COPA: variants seen among roughly 807,000 people sequenced by gnomAD.
The protein encoded by COPA is coat protein complex I subunit alpha, also known as coatomer subunit alpha.
Under a neutral mutation model 158.7 loss-of-function variants are expected in COPA, and 10 were observed. That is an observed-to-expected ratio of 0.06 (90% confidence interval 0.04 to 0.11). COPA has a LOEUF of 0.11. COPA is among the 10% of genes least tolerant of loss of function. The pLI is 1.00. For missense variants in COPA, 1,065 were observed against 1,536.7 expected (o/e 0.69, Z 5.13); for synonymous variants, 462 against 542.8 (o/e 0.85, Z 2.07).
chr1:160,329,808 A>G (rs144841313), intron 6 of COPA, among the ~76,000 whole-genome samples: 4 of 152,326 alleles, frequency 2.6e-5, no homozygotes, highest in African/African-American at 9.6e-5. Flanking sequence ...CCAGGTTGAC[A>G]AAGGATATTC....
chr1:160,329,710 A>C (rs1350637116), intron 6 of COPA, among the ~76,000 whole-genome samples: 1 of 152,244 alleles, frequency 6.6e-6, no homozygotes, highest in East Asian at 1.9e-4. Context: ...TATGAACTAG[A>C]ATAGCATTAG....
In COPA at chr1:160,323,650, A is replaced by G. The variant is rs529999804; in HGVS notation, c.607-120T>C. On this transcript the variant is annotated intron_variant, in intron 7 of 32. Transcript: ENST00000241704. ...TTTATTCTTCATGTGAACAGATTCA[A>G]GAGACTACGCTGCTCTAAAATTTTG... 7.2e-5 allele frequency: 46 copies of G among 641,858 alleles called. 1 individual carries two copies. The South Asian group carries it at 1.4e-3, about 20-fold the overall frequency. 39.8% of individuals were successfully genotyped at this position (641,858 alleles called of 1,614,324 possible). A position where few individuals can be genotyped will look rare whatever the true frequency, so the allele number is the denominator to read the frequency against.
intron 3 of COPA, chr1:160,339,496 AG>A (rs1171485618): frequency 1.3e-5 from 2 of 156,994 alleles, no homozygotes; most frequent in African/African-American, 4.8e-5. Flanking sequence ...CCATTTCTCC[AG>A]GTTTTCTCCA....
chr1:160,332,327 G>A, intron 6 of COPA, 121 bp downstream of exon 6: 1 of 515,414 alleles, frequency 1.9e-6, no homozygotes, highest in Non-Finnish European at 3.3e-6. Context: ...AAACAAAGAT[G>A]CTATTATAAA....
intron 32 of COPA, 113 bp downstream of exon 32, chr1:160,290,379 C>G: frequency 7.1e-7 from 1 of 1,416,106 alleles, no homozygotes; most frequent in South Asian, 1.3e-5. Flanking sequence ...TCTCCAGTGT[C>G]ACTGCCTCAG....
intron 17 of COPA, 110 bp downstream of exon 17, chr1:160,305,323 A>G: frequency 8.9e-7 from 1 of 1,127,580 alleles, no homozygotes; most frequent in Non-Finnish European, 1.3e-6. Flanking sequence ...ATGCCAGGTA[A>G]GGCTTTTCCA....
chr1:160,326,680 C>A (rs562744946), intron 6 of COPA, among the ~76,000 whole-genome samples: 1 of 152,248 alleles, frequency 6.6e-6, no homozygotes, highest in Admixed American at 6.5e-5. Flanking sequence ...AAACCATAAG[C>A]CATGTAAAAA....
intron 6 of COPA, among the ~76,000 whole-genome samples, chr1:160,331,604 G>A (rs970382186): frequency 6.8e-5 from 10 of 146,890 alleles, no homozygotes; most frequent in African/African-American, 7.7e-5. Flanking sequence ...CCGAGATTGC[G>A]CCACTGCATT....
At chr1:160,291,135 TG>T (rs1658217405) in intron 31 of COPA, among the ~76,000 whole-genome samples, 199 bp downstream of exon 31, 1 of 152,076 alleles carries the variant, frequency 6.6e-6, no homozygotes, top group South Asian at 2.1e-4. Context: ...CTTAGACGAG[TG>T]CCATGTCTCA....
intron 21 of COPA, among the ~76,000 whole-genome samples, 156 bp from the exon 22 acceptor site, chr1:160,296,305 T>G (rs1370593447): frequency 2.0e-5 from 3 of 152,218 alleles, no homozygotes; most frequent in Non-Finnish European, 2.9e-5. Context: ...ATTTATTAAA[T>G]AGCTTCTAAT....
At chr1:160,317,020 A>G (rs1659166180) in intron 8 of COPA, among the ~76,000 whole-genome samples, 2 of 152,156 alleles carry the variant, frequency 1.3e-5, no homozygotes, top group South Asian at 4.1e-4. Flanking sequence ...AAGGAGCTCC[A>G]ATTTGTCTGG....
At chr1:160,300,177 T>C (rs938871153) in intron 17 of COPA, among the ~76,000 whole-genome samples, 2 of 151,638 alleles carry the variant, frequency 1.3e-5, no homozygotes, top group East Asian at 1.9e-4. Context: ...CCGTCTCTAC[T>C]AAAAATACAA....
At chr1:160,311,631 C>T (rs569027929) in intron 11 of COPA, among the ~76,000 whole-genome samples, 20 of 151,884 alleles carry the variant, frequency 1.3e-4, no homozygotes, top group Admixed American at 1.3e-3. Context: ...GCCTGTAGTC[C>T]CAGTACTTGG....
intron 3 of COPA, chr1:160,339,565 C>T (rs1167248378): frequency 1.1e-5 from 2 of 182,678 alleles, no homozygotes; most frequent in South Asian, 1.1e-4. Flanking sequence ...TGTCTTTGCA[C>T]CTATACTGCT....
chr1:160,315,477 A>G (rs1659100434), intron 8 of COPA, among the ~76,000 whole-genome samples: 1 of 152,228 alleles, frequency 6.6e-6, no homozygotes, highest in South Asian at 2.1e-4. Context: ...ACGAACCTCT[A>G]GCCAGCCTTG....
At chr1:160,316,606 C>T (rs943093547) in intron 8 of COPA, among the ~76,000 whole-genome samples, 15 of 151,406 alleles carry the variant, frequency 9.9e-5, no homozygotes, top group Admixed American at 8.6e-4. Flanking sequence ...CAAAATTAGC[C>T]GGGTGTGGTG....
chr1:160,309,005 A>G (rs2101840628), intron 13 of COPA, 96 bp downstream of exon 13: 3 of 964,068 alleles, frequency 3.1e-6, no homozygotes, highest in South Asian at 2.8e-5. Flanking sequence ...TGATGTGGCC[A>G]TGGCTTGGGG....
Position 160,290,438 on chromosome 1 carries a change from T to G in COPA, c.3615+54A>C, listed in dbSNP as rs537172052. On this transcript the variant is annotated intron_variant, in intron 32 of 32. Coordinates refer to ENST00000241704, the MANE Select transcript of COPA (RefSeq NM_004371.4). ...GAAAAAAAGGACCACCATGTTTCTT[T>G]CTTTTTCCCCTTCGCTCAATATCCT... 49 of 1,566,178 alleles carry G rather than the reference T, an allele frequency of 3.1e-5. No homozygotes were observed. In the South Asian group the frequency reaches 5.5e-4, roughly 17 times the overall value.
At position 160,297,635 on chromosome 1, in the gene COPA, A is replaced by T; in HGVS notation, c.2088T>A (p.Arg696=). The T allele has an allele frequency of 6.2e-7, 1 of 1,614,172 alleles. No homozygotes were observed. The highest frequency in any genetic ancestry group is 8.5e-7 in the Non-Finnish European group (1 of 1,180,028). The change falls in exon 20 of 33, where the codon CGT becomes CGA. Residue 696 remains arginine (R), a synonymous_variant. Coordinates refer to ENST00000241704, the MANE Select transcript of COPA (RefSeq NM_004371.4). Reference sequence around the variant, plus strand: ...AGGAAAGTTTGTCAAAGTTTTTGGTACGCTGATAGCACATTTCCACAATCT... The same window carrying T: ...AGGAAAGTTTGTCAAAGTTTTTGGTTCGCTGATAGCACATTTCCACAATCT... ...NHQIVEMCYQ[R]TKNFDKLSFL... is the part of the protein sequence containing the mutation.
Sources: gnomAD v4.1 joint callset for allele counts (sites outside exome capture counted in the v4.1 genomes callset) on GRCh38, gnomAD v4.1.1 for gene constraint, MANE v1.5 for transcripts, NCBI Gene and HGNC (gene_info 2026-07-23, HGNC 2026-07-21) for gene names.